The following MYH11 variants were observed in gnomAD, a reference collection of about 807,000 sequenced individuals.
MYH11 encodes myosin-11.
MYH11 carries 80 observed loss-of-function variants against 246.6 expected under a neutral mutation model. The ratio of observed to expected loss-of-function variants is 0.32; its 90% confidence interval spans 0.27 to 0.39. The LOEUF (loss-of-function observed/expected upper bound fraction) is 0.39. MYH11 is among the 10% of genes least tolerant of loss of function. MYH11 has a pLI of 1.00. For missense variants in MYH11, 2,158 were observed against 2,546.8 expected, an observed-to-expected ratio of 0.85 and a Z score of 3.29; for synonymous variants, 1,071 against 1,015.5, an observed-to-expected ratio of 1.05 and a Z score of -1.04.
At chr16:15,732,131 T>G (rs1398223614) in intron 27 of MYH11, among the ~76,000 whole-genome samples, 1 of 151,288 alleles carries the variant, frequency 6.6e-6, no homozygotes, top group East Asian at 2.0e-4. Flanking sequence ...CCGGCTAATT[T>G]TTTGTATTTG....
intron 1 of MYH11, among the ~76,000 whole-genome samples, chr16:15,838,579 G>C (rs2043968026): frequency 6.6e-6 from 1 of 152,130 alleles, no homozygotes; most frequent in Non-Finnish European, 1.5e-5. Context: ...AGGAAGTAGG[G>C]CTGGACAAGG....
At chr16:15,731,179 T>A (rs1433207811) in intron 27 of MYH11, among the ~76,000 whole-genome samples, 1 of 152,212 alleles carries the variant, frequency 6.6e-6, no homozygotes, top group African/African-American at 2.4e-5. Context: ...GTTTTAAGTT[T>A]CATTTAAATC....
intron 2 of MYH11, among the ~76,000 whole-genome samples, chr16:15,833,374 A>T (rs1421060304): frequency 1.3e-5 from 1 of 75,972 alleles, no homozygotes; most frequent in East Asian, 3.4e-4. Context: ...AGAGAGAGGG[A>T]GGGAGGGAGG....
intron 1 of MYH11, among the ~76,000 whole-genome samples, chr16:15,850,944 A>G (rs1404556124): frequency 2.0e-5 from 3 of 152,160 alleles, no homozygotes; most frequent in Non-Finnish European, 2.9e-5. Flanking sequence ...TAAATGTCAT[A>G]AAGGGCTGGA....
In MYH11 at chr16:15,703,712, C is replaced by A; in HGVS notation, c.*279G>T. 1 of 470,324 alleles carries A rather than the reference C, an allele frequency of 2.1e-6. No homozygotes were observed. The highest frequency in any genetic ancestry group is 3.9e-6 in the Non-Finnish European group (1 of 255,356). 29.1% of individuals were successfully genotyped at this position (470,324 alleles called of 1,614,324 possible). On this transcript the variant is annotated 3_prime_UTR_variant, in exon 41 of 41. Coordinates refer to ENST00000300036, the MANE Select transcript of MYH11 (RefSeq NM_002474.3). ...GGAGCGTTCTTCCTGGCTCAGCCTC[C>A]CTAGTAGCTGGGACCACAGGTGTGT... is the stretch of plus-strand genomic sequence containing the variant.
At chr16:15,731,296 C>G (rs2151233664) in intron 27 of MYH11, among the ~76,000 whole-genome samples, 1 of 152,186 alleles carries the variant, frequency 6.6e-6, no homozygotes, top group African/African-American at 2.4e-5. Flanking sequence ...AAAGTGGGGT[C>G]TAGGACCAGA....
chr16:15,796,585 C>G (rs2042747059), intron 4 of MYH11, among the ~76,000 whole-genome samples: 1 of 152,164 alleles, frequency 6.6e-6, no homozygotes, highest in Admixed American at 6.5e-5. Flanking sequence ...CCTAGGGGAT[C>G]AAATGCCTCT....
intron 14 of MYH11, among the ~76,000 whole-genome samples, chr16:15,754,563 C>T (rs1172773705): frequency 6.6e-6 from 1 of 152,198 alleles, no homozygotes; most frequent in Non-Finnish European, 1.5e-5. Flanking sequence ...CTTAAAGGAA[C>T]ATATACCCCC....
chr16:15,736,017 G>A (rs114025118), intron 25 of MYH11, among the ~76,000 whole-genome samples: 10 of 152,186 alleles, frequency 6.6e-5, no homozygotes, highest in Admixed American at 4.6e-4. Context: ...CACTGCTTGC[G>A]GGGGATATTC....
intron 2 of MYH11, 42 bp from the exon 3 acceptor site, chr16:15,823,453 G>T (rs1399845033): frequency 8.7e-6 from 14 of 1,613,290 alleles, no homozygotes; most frequent in Non-Finnish European, 1.1e-5. Flanking sequence ...CCTCCTCCAG[G>T]GTAGACAGAT....
intron 38 of MYH11, 37 bp downstream of exon 38, chr16:15,717,103 C>A: frequency 3.7e-6 from 6 of 1,605,314 alleles, no homozygotes; most frequent in Non-Finnish European, 5.1e-6. Flanking sequence ...TCCATCACCC[C>A]CCTGCAAACT....
chr16:15,801,135 G>A (rs536406965), intron 3 of MYH11, among the ~76,000 whole-genome samples: 1 of 152,198 alleles, frequency 6.6e-6, no homozygotes, highest in South Asian at 2.1e-4. Context: ...GAACTCAGGA[G>A]GCGGACGTTG....
At position 15,718,325 on chromosome 16, in the gene MYH11, G is replaced by A. The variant is rs1051107286; in HGVS notation, c.5285C>T (p.Ala1762Val). The change falls in exon 37 of 41, where the codon GCC becomes GTC. Residue 1762 changes from alanine (A) to valine (V), a missense_variant. Ala to Val is a moderately conservative substitution (Grantham distance 64, BLOSUM62 0). Transcript: ENST00000300036. ...CCAGGCGGCCCTCACCTGCTGTGTGGCTTTGCGGACCCGGTCGCTCATGGC... is the reference window on the plus strand; with the variant it reads ...CCAGGCGGCCCTCACCTGCTGTGTGACTTTGCGGACCCGGTCGCTCATGGC... ...MEAMSDRVRK[A>V]TQQAEQLSNE... is the part of the protein sequence containing the mutation. 6 of 1,609,058 alleles carry A rather than the reference G, an allele frequency of 3.7e-6. No homozygotes were observed. Among genetic ancestry groups the A allele is most frequent in the African/African-American group, 1.3e-5 (1 of 74,906 alleles).
At chr16:15,810,284 C>T (rs950546763) in intron 3 of MYH11, among the ~76,000 whole-genome samples, 9 of 152,080 alleles carry the variant, frequency 5.9e-5, no homozygotes, top group Admixed American at 2.0e-4. Flanking sequence ...ATCTGCCTGC[C>T]TCTGCCTCCC....
chr16:15,840,512 C>A (rs766959126), intron 1 of MYH11, among the ~76,000 whole-genome samples: 4 of 151,994 alleles, frequency 2.6e-5, no homozygotes, highest in African/African-American at 4.8e-5. Context: ...CAGGAGGATC[C>A]CTTGAGGCCA....
chr16:15,725,029 A>G (rs376987367), intron 28 of MYH11, 37 bp from the exon 29 acceptor site: 65 of 1,578,200 alleles, frequency 4.1e-5, no homozygotes, highest in Non-Finnish European at 5.6e-5. Context: ...CAAAGCCTCT[A>G]GAAGGGGATC....
In MYH11 at chr16:15,703,292, A is replaced by C. The variant is rs1427015195; in HGVS notation, c.*699T>G. On this transcript the variant is annotated 3_prime_UTR_variant, in exon 41 of 41. Coordinates refer to ENST00000300036, the MANE Select transcript of MYH11 (RefSeq NM_002474.3). ...TGAACTGTGCGTGTCTGAGGTGTGG[A>C]AACCAGGAGAGGGGGAAAGAATTCT... The C allele has an allele frequency of 4.4e-6, 1 of 226,746 alleles. No homozygotes were observed. Among genetic ancestry groups the C allele is most frequent in the Non-Finnish European group, 8.8e-6 (1 of 113,604 alleles). 14.0% of individuals were successfully genotyped at this position (226,746 alleles called of 1,614,324 possible). A position where few individuals can be genotyped will look rare whatever the true frequency, so the allele number is the denominator to read the frequency against.
intron 37 of MYH11, chr16:15,717,799 AAAAG>A (rs1330812996): frequency 5.5e-5 from 14 of 255,896 alleles, no homozygotes; most frequent in South Asian, 5.1e-4. Context: ...GTCTCCAAAA[AAAAG>A]AGGTGCTTCC....
chr16:15,795,613 AAAACAAAC>A (rs559713275), intron 4 of MYH11, among the ~76,000 whole-genome samples: 48 of 152,178 alleles, frequency 3.2e-4, no homozygotes, highest in African/African-American at 7.7e-4. Context: ...CTCCATCTCA[AAAACAAAC>A]AAACAAACAA....
Sources: gnomAD v4.1 joint callset for allele counts (sites outside exome capture counted in the v4.1 genomes callset) on GRCh38, gnomAD v4.1.1 for gene constraint, MANE v1.5 for transcripts, NCBI Gene and HGNC (gene_info 2026-07-23, HGNC 2026-07-21) for gene names.